The following TRDMT1 variants were observed in gnomAD, a reference collection of about 807,000 sequenced individuals.
The protein encoded by TRDMT1 is tRNA (cytosine(38)-C(5))-methyltransferase.
In TRDMT1, 49 loss-of-function variants were observed where a neutral mutation model predicts 51.2. That is an observed-to-expected ratio of 0.96 (90% CI 0.76 to 1.21). The LOEUF is 1.21. Ranked by LOEUF, TRDMT1 falls within the 50% of genes most tolerant of loss-of-function variation. The pLI is 0.00. For synonymous variants in TRDMT1, 187 were observed against 164.6 expected (o/e 1.14, Z -1.04); for missense variants, 534 against 462.3 (o/e 1.16, Z -1.42).
chr10:17,180,617 A>G (rs1319083222), intron 1 of TRDMT1, among the ~76,000 whole-genome samples: 1 of 152,054 alleles, frequency 6.6e-6, no homozygotes, highest in Non-Finnish European at 1.5e-5. Context: ...ATGAAGTAAC[A>G]TTGCATTAAT....
rs1837527917 is a variant in TRDMT1, at chr10:17,139,585, C to A, written c.*9455G>T. On this transcript the variant is annotated 3_prime_UTR_variant, in exon 11 of 11. Coordinates refer to ENST00000377799, the MANE Select transcript of TRDMT1 (RefSeq NM_004412.7). Reference sequence around the variant, plus strand: ...ATACCTGGCACTCTTCAGACTCTGCCTCTTGTACCTTTAATTGGGAAGATA... The same window carrying A: ...ATACCTGGCACTCTTCAGACTCTGCATCTTGTACCTTTAATTGGGAAGATA... Among the ~76,000 whole-genome samples the A allele has an allele frequency of 6.6e-6, 1 of 152,134 alleles. No homozygotes were observed. Among genetic ancestry groups the A allele is most frequent in the Non-Finnish European group, 1.5e-5 (1 of 68,024 alleles).
Position 17,161,559 on chromosome 10 carries a change from A to C in TRDMT1, c.324-11T>G. The C allele has an allele frequency of 8.1e-7, 1 of 1,230,432 alleles. No individual in the cohort carries two copies. The highest frequency in any genetic ancestry group is 1.1e-6 in the Non-Finnish European group (1 of 904,240). The allele number at this position is 1,230,432 out of a possible 1,614,324, so 76.2% of individuals were successfully genotyped here. A position where few individuals can be genotyped will look rare whatever the true frequency, so the allele number is the denominator to read the frequency against. ...GGTAATTTTTGTAATCTATAAAAAAATAAACAAATGGAATTCTAAATATCT... is the reference window on the plus strand; with the variant it reads ...GGTAATTTTTGTAATCTATAAAAAACTAAACAAATGGAATTCTAAATATCT... On this transcript the variant is annotated splice_polypyrimidine_tract_variant and intron_variant, in intron 4 of 10. Transcript: ENST00000377799.
At chr10:17,165,322 G>C (rs1841033343) in intron 3 of TRDMT1, among the ~76,000 whole-genome samples, 1 of 152,206 alleles carries the variant, frequency 6.6e-6, no homozygotes, top group South Asian at 2.1e-4. Flanking sequence ...GCCATATGTA[G>C]AAAGCTGAAA....
chr10:17,193,938 G>T (rs1436778136), intron 1 of TRDMT1, among the ~76,000 whole-genome samples: 2 of 152,140 alleles, frequency 1.3e-5, no homozygotes, highest in African/African-American at 4.8e-5. Flanking sequence ...AACCAAGACA[G>T]CATGGTACTG....
rs1253570102 is a variant in TRDMT1, at chr10:17,201,554, G to A, written c.64+17C>T. On this transcript the variant is annotated intron_variant, in intron 1 of 10. Transcript: ENST00000377799. Reference sequence around the variant, plus strand: ...CCCGTGAGCGAATAGAGAGAGGGGTGCTAGATGGACTCTCACCTCTCAGCG... The same window carrying A: ...CCCGTGAGCGAATAGAGAGAGGGGTACTAGATGGACTCTCACCTCTCAGCG... 1.9e-6 allele frequency: 3 copies of A among 1,548,996 alleles called. No individual in the cohort carries two copies. The highest frequency in any genetic ancestry group is 1.7e-4 in the Middle Eastern group (1 of 5,984).
intron 7 of TRDMT1, 66 bp downstream of exon 7, chr10:17,159,080 A>C: frequency 9.3e-7 from 1 of 1,080,048 alleles, no homozygotes; most frequent in Non-Finnish European, 1.3e-6. Context: ...AAAATAAATT[A>C]GCAGACTAAT....
intron 10 of TRDMT1, chr10:17,152,169 C>T: frequency 9.5e-7 from 1 of 1,053,464 alleles, no homozygotes; most frequent in Non-Finnish European, 1.3e-6. Context: ...GTCTAATTCT[C>T]AGCTCTTCTA....
intron 1 of TRDMT1, among the ~76,000 whole-genome samples, chr10:17,180,288 C>T (rs186408224): frequency 6.6e-6 from 1 of 152,270 alleles, no homozygotes; most frequent in Admixed American, 6.5e-5. Flanking sequence ...TGCCTTTAAT[C>T]CTAGCACTTT....
intron 1 of TRDMT1, among the ~76,000 whole-genome samples, chr10:17,188,593 G>A (rs1844260818): frequency 6.6e-6 from 1 of 152,076 alleles, no homozygotes; most frequent in Admixed American, 6.5e-5. Flanking sequence ...TGGAAATATT[G>A]TATATTTTCT....
intron 5 of TRDMT1, 50 bp downstream of exon 5, chr10:17,161,433 A>G (rs1203961279): frequency 5.5e-6 from 7 of 1,274,608 alleles, no homozygotes; most frequent in Non-Finnish European, 7.3e-6. Flanking sequence ...AGTTCCTACT[A>G]TAAGATATAC....
intron 1 of TRDMT1, among the ~76,000 whole-genome samples, chr10:17,187,087 G>C (rs1256906986): frequency 6.6e-6 from 1 of 152,064 alleles, no homozygotes; most frequent in Non-Finnish European, 1.5e-5. Flanking sequence ...TTGCCCAGTA[G>C]AGCAAAATCT....
chr10:17,186,049 T>TAAATAAATA (rs1843852970), intron 1 of TRDMT1, among the ~76,000 whole-genome samples: 1 of 143,026 alleles, frequency 7.0e-6, no homozygotes. Context: ...ACTTACAGTA[T>TAAATAAATA]AATAAATAAA....
rs1838273884 is a variant in TRDMT1 at position 17,148,068 on chromosome 10, C to A, written c.*972G>T. ...TTCTCTTTGTCACTTGCTTTTATCA[C>A]AAACCATAGAATTTATGATGCAAGA... On this transcript the variant is annotated 3_prime_UTR_variant, in exon 11 of 11. Transcript: ENST00000377799. 5 of 985,114 alleles carry A rather than the reference C, an allele frequency of 5.1e-6. No individual in the cohort carries two copies. The South Asian group carries it at 1.9e-4, about 37-fold the overall frequency. The allele number at this position is 985,114 out of a possible 1,614,324, so 61.0% of individuals were successfully genotyped here. A position where few individuals can be genotyped will look rare whatever the true frequency, so the allele number is the denominator to read the frequency against.
intron 10 of TRDMT1, chr10:17,152,055 T>C: frequency 7.7e-7 from 1 of 1,301,734 alleles, no homozygotes. Context: ...TTTAATTGAA[T>C]AGTTAATCTC....
At chr10:17,151,443 G>A in intron 10 of TRDMT1, 1 of 969,668 alleles carries the variant, frequency 1.0e-6, no homozygotes, top group Non-Finnish European at 1.2e-6. Context: ...GATCAATGCA[G>A]ATCCATCATT....
At chr10:17,191,512 A>G (rs1474007831) in intron 1 of TRDMT1, among the ~76,000 whole-genome samples, 2 of 152,166 alleles carry the variant, frequency 1.3e-5, no homozygotes, top group Non-Finnish European at 2.9e-5. Context: ...GAGGGAGTGC[A>G]TTAGCACGTC....
At chr10:17,182,882 T>C (rs755768918) in intron 1 of TRDMT1, among the ~76,000 whole-genome samples, 3 of 152,202 alleles carry the variant, frequency 2.0e-5, no homozygotes, top group Non-Finnish European at 4.4e-5. Context: ...ATATAAAAGA[T>C]GCCAAACTTC....
chr10:17,175,673 G>GAAA (rs111303184), intron 1 of TRDMT1, among the ~76,000 whole-genome samples: 8 of 128,866 alleles, frequency 6.2e-5, no homozygotes, highest in Non-Finnish European at 1.0e-4. Flanking sequence ...ATCAAAAAAG[G>GAAA]AAAAAAAAAA....
intron 1 of TRDMT1, among the ~76,000 whole-genome samples, chr10:17,194,948 T>C (rs74499941): frequency 8.2e-4 from 36 of 43,706 alleles, no homozygotes; most frequent in South Asian, 1.2e-3. Flanking sequence ...AAAAAAAAAG[T>C]CAAAAAAAAA....
Sources: gnomAD v4.1 joint callset for allele counts (sites outside exome capture counted in the v4.1 genomes callset) on GRCh38, gnomAD v4.1.1 for gene constraint, MANE v1.5 for transcripts, NCBI Gene and HGNC (gene_info 2026-07-23, HGNC 2026-07-21) for gene names.